Variants in RBM20 observed in about 807,000 individuals in gnomAD.
The protein encoded by RBM20 is RNA binding motif protein 20.
RBM20 carries 51 observed loss-of-function variants against 110.1 expected under a neutral mutation model. The observed-to-expected ratio is 0.46, with a 90% CI of 0.37 to 0.59. RBM20 has a LOEUF of 0.59. Ranked by LOEUF, RBM20 falls within the 20% of genes least tolerant of loss-of-function variation. The pLI is 0.00. For missense variants in RBM20, 1,512 were observed against 1,574.9 expected, an observed-to-expected ratio of 0.96 and a Z score of 0.68; for synonymous variants, 589 against 618.2, an observed-to-expected ratio of 0.95 and a Z score of 0.70.
chr10:110,810,266 C>A (rs1844747485), intron 7 of RBM20, 117 bp from the exon 8 acceptor site: 2 of 724,186 alleles, frequency 2.8e-6, no homozygotes, highest in Non-Finnish European at 4.9e-6. Context: ...CTTCCCCACA[C>A]AAGGTATTTT....
At chr10:110,745,478 T>C (rs1205389891) in intron 1 of RBM20, among the ~76,000 whole-genome samples, 2 of 152,224 alleles carry the variant, frequency 1.3e-5, no homozygotes, top group Non-Finnish European at 1.5e-5. Flanking sequence ...CCCCACTAGC[T>C]TTTGTGTACC....
At chr10:110,768,144 C>T (rs1452117282) in intron 1 of RBM20, among the ~76,000 whole-genome samples, 1 of 152,214 alleles carries the variant, frequency 6.6e-6, no homozygotes, top group African/African-American at 2.4e-5. Context: ...GCAGGAGAAT[C>T]AGGCAGGGAG....
intron 7 of RBM20, among the ~76,000 whole-genome samples, chr10:110,806,223 G>T (rs556655755): frequency 6.7e-6 from 1 of 150,172 alleles, no homozygotes; most frequent in African/African-American, 2.5e-5. Flanking sequence ...AGCCAAGGTC[G>T]CACCACTGCA....
chr10:110,811,936 G>C (rs10885051), intron 8 of RBM20, among the ~76,000 whole-genome samples: 58,041 of 151,980 alleles, frequency 0.38, 11,573 homozygotes, highest in Non-Finnish European at 0.43. Context: ...CCCAGGAGGA[G>C]AGTCAGAGGT....
chr10:110,729,338 C>G (rs2134948045), intron 1 of RBM20, among the ~76,000 whole-genome samples: 1 of 152,290 alleles, frequency 6.6e-6, no homozygotes, highest in South Asian at 2.1e-4. Context: ...GTCCTGGTGC[C>G]TGGGCTTCTC....
At chr10:110,721,899 C>T (rs1437832738) in intron 1 of RBM20, among the ~76,000 whole-genome samples, 1 of 151,916 alleles carries the variant, frequency 6.6e-6, no homozygotes, top group African/African-American at 2.4e-5. Context: ...GCATCCAAGA[C>T]TTTGGGTATT....
intron 1 of RBM20, among the ~76,000 whole-genome samples, chr10:110,752,945 A>ATATATATATATATATAT (rs1433992064): frequency 1.8e-5 from 2 of 109,014 alleles, no homozygotes; most frequent in Admixed American, 1.1e-4. Context: ...ATATATATAT[A>ATATATATATATATATAT]TTTTTTTTTT....
chr10:110,679,351 G>A (rs1862387031), intron 1 of RBM20, among the ~76,000 whole-genome samples: 1 of 152,150 alleles, frequency 6.6e-6, no homozygotes, highest in East Asian at 1.9e-4. Context: ...AGCCTCACGA[G>A]TAGCTGGGAC....
At chr10:110,687,993 TTTTGTGTGTGTGTG>T (rs1000609297) in intron 1 of RBM20, among the ~76,000 whole-genome samples, 7 of 103,416 alleles carry the variant, frequency 6.8e-5, no homozygotes, top group African/African-American at 2.2e-4. Flanking sequence ...TCCTAAATGG[TTTTGTGTGTGTGTG>T]TGTGTGTGTG....
At chr10:110,753,595 TG>T (rs1362921500) in intron 1 of RBM20, among the ~76,000 whole-genome samples, 1 of 152,212 alleles carries the variant, frequency 6.6e-6, no homozygotes, top group Non-Finnish European at 1.5e-5. Context: ...TTCACTTCAC[TG>T]TGGCAGGGTA....
chr10:110,692,843 T>A (rs1300715610), intron 1 of RBM20, among the ~76,000 whole-genome samples: 1 of 151,910 alleles, frequency 6.6e-6, no homozygotes, highest in African/African-American at 2.4e-5. Flanking sequence ...AAACTTGCAG[T>A]TTTTTGTTTT....
At chr10:110,717,646 A>G (rs1863039584) in intron 1 of RBM20, among the ~76,000 whole-genome samples, 1 of 152,134 alleles carries the variant, frequency 6.6e-6, no homozygotes, top group Admixed American at 6.6e-5. Context: ...CTCAGTTCAG[A>G]TCTTGTTCAC....
chr10:110,754,405 C>T (rs1302740894), intron 1 of RBM20, among the ~76,000 whole-genome samples: 1 of 152,132 alleles, frequency 6.6e-6, no homozygotes. Context: ...AAATTCTCAG[C>T]TTTTATCTTT....
rs777742999 is a variant in RBM20, at chr10:110,696,123, C to T, written c.191+51478C>T. Among the ~76,000 whole-genome samples the T allele has an allele frequency of 5.3e-5, 8 of 152,270 alleles. 1 individual carries two copies. In the Middle Eastern group the frequency reaches 0.017, roughly 324 times the overall value. ...AAGCCTCTGGTGATTCTGATGCCTG[C>T]GGAAGCGTGAGCCACACTGGGCTAG... On this transcript the variant is annotated intron_variant, in intron 1 of 13. Coordinates refer to ENST00000369519, the MANE Select transcript of RBM20 (RefSeq NM_001134363.3).
intron 11 of RBM20, among the ~76,000 whole-genome samples, chr10:110,822,751 G>C (rs570273670): frequency 3.9e-5 from 6 of 152,186 alleles, no homozygotes; most frequent in Non-Finnish European, 8.8e-5. Context: ...CCAGGGCCCT[G>C]TGGGTGGCAT....
intron 1 of RBM20, among the ~76,000 whole-genome samples, chr10:110,668,764 C>T (rs1862217874): frequency 6.6e-6 from 1 of 152,024 alleles, no homozygotes; most frequent in African/African-American, 2.4e-5. Flanking sequence ...AGGGTAGAGG[C>T]AGAGTTGATC....
At position 110,684,394 on chromosome 10, in the gene RBM20, A is replaced by AAAAACAAAACAAAACAAAAC. The variant is rs369390447; in HGVS notation, c.191+39764_191+39783dup. On this transcript the variant is annotated intron_variant, in intron 1 of 13. Transcript: ENST00000369519. Reference sequence around the variant, plus strand: ...GGGTGACAGAGTGAGACTCCATCTTAAAAACAAAACAAAACAAAACAAAAC... The same window carrying AAAAACAAAACAAAACAAAAC: ...GGGTGACAGAGTGAGACTCCATCTTAAAAACAAAACAAAACAAAACAAAACAAAACAAAACAAAACAAAAC... 2.6e-4 allele frequency among the ~76,000 whole-genome samples: 39 copies of AAAAACAAAACAAAACAAAAC among 150,880 alleles called. No individual in the cohort carries two copies. In the East Asian group the frequency reaches 6.7e-3, roughly 26 times the overall value.
At chr10:110,683,600 G>A (rs762079928) in intron 1 of RBM20, among the ~76,000 whole-genome samples, 6 of 152,154 alleles carry the variant, frequency 3.9e-5, no homozygotes, top group South Asian at 2.1e-4. Flanking sequence ...GAGTTAAAGC[G>A]AATTGAGTTT....
chr10:110,682,050 C>T (rs1012316059), intron 1 of RBM20, among the ~76,000 whole-genome samples: 6 of 152,072 alleles, frequency 3.9e-5, no homozygotes, highest in Non-Finnish European at 7.4e-5. Flanking sequence ...TCACCATGCC[C>T]GGCTAATTTT....
Sources: gnomAD v4.1 joint callset for allele counts (sites outside exome capture counted in the v4.1 genomes callset) on GRCh38, gnomAD v4.1.1 for gene constraint, MANE v1.5 for transcripts, NCBI Gene and HGNC (gene_info 2026-07-23, HGNC 2026-07-21) for gene names.